KDM2B: variants seen among roughly 807,000 people sequenced by gnomAD.
The protein encoded by KDM2B is lysine demethylase 2B.
KDM2B carries 26 observed loss-of-function variants against 150.0 expected under a neutral mutation model. The ratio of observed to expected loss-of-function variants is 0.17; its 90% confidence interval spans 0.13 to 0.24. KDM2B has a LOEUF of 0.24. Among genes scored for constraint, KDM2B ranks in the 10% least tolerant of loss-of-function variants. The probability of loss-of-function intolerance (pLI) is 1.00; values close to 1 mark genes in which losing one functional copy is unlikely to be tolerated. For missense variants in KDM2B, 1,265 were observed against 1,816.9 expected (o/e 0.70, Z 5.52); for synonymous variants, 734 against 729.5 (o/e 1.01, Z -0.10).
chr12:121,565,685 C>A (rs59962433), intron 4 of KDM2B, among the ~76,000 whole-genome samples: 1 of 151,950 alleles, frequency 6.6e-6, no homozygotes, highest in Non-Finnish European at 1.5e-5. Flanking sequence ...AGTGCAGTGG[C>A]GCAATCTTGG....
intron 12 of KDM2B, chr12:121,493,967 C>G (rs1220157424): frequency 6.6e-6 from 1 of 152,594 alleles, no homozygotes; most frequent in Non-Finnish European, 1.5e-5. Flanking sequence ...TCAAGTGATT[C>G]TCCTGCCTCA....
Position 121,549,781 on chromosome 12 carries a change from C to T in KDM2B, c.398-143G>A, listed in dbSNP as rs1889339862. 1 of 694,542 alleles carries T rather than the reference C, an allele frequency of 1.4e-6. No individual in the cohort carries two copies. The highest frequency in any genetic ancestry group is 3.2e-5 in the Admixed American group (1 of 31,310). The allele number at this position is 694,542 out of a possible 1,614,324, so 43.0% of individuals were successfully genotyped here. ...CTTCCTCATCTGTTCAATTACCTCA[C>T]CCCATCGGCTTTCCTTCTGGGATCT... is the stretch of plus-strand genomic sequence containing the variant. On this transcript the variant is annotated intron_variant, in intron 4 of 22. Coordinates refer to ENST00000377071, the MANE Select transcript of KDM2B (RefSeq NM_032590.5). This position sits in a 1 kb window ranked among gnomAD's most constrained non-coding sequence, Gnocchi z 4.4.
rs1887828978 is a variant in KDM2B, at chr12:121,533,481, A to C, written c.778-522T>G. 6.6e-6 allele frequency among the ~76,000 whole-genome samples: 1 copy of C among 152,014 alleles called. No individual in the cohort carries two copies. Among genetic ancestry groups the C allele is most frequent in the Non-Finnish European group, 1.5e-5 (1 of 67,994 alleles). On this transcript the variant is annotated intron_variant, in intron 7 of 22. Coordinates refer to ENST00000377071, the MANE Select transcript of KDM2B (RefSeq NM_032590.5). The surrounding 1 kb of genome is among the most constrained non-coding windows in gnomAD (Gnocchi z 4.1). ...ACAGGCTTATTTTCAAGAAGCACCC[A>C]CCTCCATCAGGGACACCCACATCCC...
At position 121,520,046 on chromosome 12, in the gene KDM2B, C is replaced by G. The variant is rs775732857; in HGVS notation, c.1047+939G>C. On this transcript the variant is annotated intron_variant, in intron 9 of 22. Transcript: ENST00000377071. This position sits in a 1 kb window ranked among gnomAD's most constrained non-coding sequence, Gnocchi z 4.5. Reference sequence around the variant, plus strand: ...TAGCTGGGACTACAGGCGTACACCACCACGCCCAGCTTTTTTGTATTTTTG... The same window carrying G: ...TAGCTGGGACTACAGGCGTACACCAGCACGCCCAGCTTTTTTGTATTTTTG... 6.6e-6 allele frequency among the ~76,000 whole-genome samples: 1 copy of G among 152,152 alleles called. No individual in the cohort carries two copies. The highest frequency in any genetic ancestry group is 1.5e-5 in the Non-Finnish European group (1 of 68,034).
At position 121,521,373 on chromosome 12, in the gene KDM2B, C is replaced by T. The variant is rs782222178; in HGVS notation, c.932-273G>A. Among the ~76,000 whole-genome samples, 7 of 152,144 alleles carry T rather than the reference C, an allele frequency of 4.6e-5. No individual in the cohort carries two copies. The highest frequency in any genetic ancestry group is 2.1e-4 in the South Asian group (1 of 4,834). On this transcript the variant is annotated intron_variant, in intron 8 of 22. Coordinates refer to ENST00000377071, the MANE Select transcript of KDM2B (RefSeq NM_032590.5). The surrounding 1 kb of genome is among the most constrained non-coding windows in gnomAD (Gnocchi z 4.9). Reference sequence around the variant, plus strand: ...AGATCAGCCCCCACTTCTTGAGGACCGTGATGACAAAAGCTTCCTCTGGGG... The same window carrying T: ...AGATCAGCCCCCACTTCTTGAGGACTGTGATGACAAAAGCTTCCTCTGGGG...
chr12:121,479,863 G>A (rs1356434638), intron 12 of KDM2B, among the ~76,000 whole-genome samples: 1 of 151,992 alleles, frequency 6.6e-6, no homozygotes, highest in Non-Finnish European at 1.5e-5. Flanking sequence ...CTCAAGTGAG[G>A]CACCAGCCTC....
the KDM2B span, among the ~76,000 whole-genome samples, chr12:121,414,875 C>T: frequency 5.3e-5 from 8 of 152,318 alleles, no homozygotes; most frequent in South Asian, 1.7e-3. Context: ...GGGTGGATCA[C>T]CTGAGGTCAG....
chr12:121,551,359 T>C (rs1358454185), intron 4 of KDM2B, among the ~76,000 whole-genome samples: 1 of 151,204 alleles, frequency 6.6e-6, no homozygotes, highest in Non-Finnish European at 1.5e-5. Context: ...TTTTTTTTTT[T>C]TTTTGAGACA....
chr12:121,504,428 G>A (rs1384252451), intron 11 of KDM2B, among the ~76,000 whole-genome samples: 1 of 151,936 alleles, frequency 6.6e-6, no homozygotes, highest in Non-Finnish European at 1.5e-5. Flanking sequence ...CCAGCTACTT[G>A]GGAAGCTGAG....
At chr12:121,538,596 A>T (rs943303891) in intron 6 of KDM2B, among the ~76,000 whole-genome samples, 3 of 151,830 alleles carry the variant, frequency 2.0e-5, no homozygotes, top group African/African-American at 4.8e-5. Context: ...TGGTTGAGAG[A>T]CTCCTTTGAG....
the KDM2B span, among the ~76,000 whole-genome samples, chr12:121,422,473 A>G: frequency 6.6e-6 from 1 of 152,244 alleles, no homozygotes; most frequent in African/African-American, 2.4e-5. Context: ...CATATCTGCC[A>G]TCTCATCCCA....
chr12:121,488,362 G>C (rs1310058841), intron 12 of KDM2B, among the ~76,000 whole-genome samples: 1 of 152,074 alleles, frequency 6.6e-6, no homozygotes, highest in Non-Finnish European at 1.5e-5. Flanking sequence ...CCATAATTAC[G>C]AAAAACTAGA....
Position 121,429,866 on chromosome 12 carries a change from G to T in KDM2B, c.*422C>A. On this transcript the variant is annotated 3_prime_UTR_variant, in exon 23 of 23. Transcript: ENST00000377071. ...CAAAACCAACCAAACAAAAAAAAGT[G>T]TCAAGACGGCAGCAGATGTGGTGTG... 1.7e-6 allele frequency: 1 copy of T among 571,790 alleles called. No individual in the cohort carries two copies. The highest frequency in any genetic ancestry group is 3.2e-5 in the Admixed American group (1 of 31,490). 35.4% of individuals were successfully genotyped at this position (571,790 alleles called of 1,614,324 possible).
At chr12:121,517,468 TTTTC>T (rs1886314065) in intron 9 of KDM2B, among the ~76,000 whole-genome samples, 2 of 143,068 alleles carry the variant, frequency 1.4e-5, no homozygotes, top group South Asian at 2.1e-4. Flanking sequence ...ATTCTTTTTC[TTTTC>T]TTTTTTTTTT....
At chr12:121,434,500 CAAAAAA>C (rs1166374523) in intron 22 of KDM2B, among the ~76,000 whole-genome samples, 1 of 62,284 alleles carries the variant, frequency 1.6e-5, no homozygotes, top group African/African-American at 4.7e-5. Flanking sequence ...GACTCTCTAT[CAAAAAA>C]AAAAAAAAAA....
chr12:121,554,535 C>A (rs1213166792), intron 4 of KDM2B, among the ~76,000 whole-genome samples: 1 of 151,970 alleles, frequency 6.6e-6, no homozygotes, highest in African/African-American at 2.4e-5. Context: ...CTCAGCCCCC[C>A]GAGTAGCTGG....
At chr12:121,516,667 AC>A in intron 9 of KDM2B, 1 of 670,252 alleles carries the variant, frequency 1.5e-6, no homozygotes, top group Non-Finnish European at 2.5e-6. Flanking sequence ...TCATCCGTCT[AC>A]CAGAGGACCT....
At chr12:121,507,536 C>G (rs114914955) in intron 11 of KDM2B, among the ~76,000 whole-genome samples, 1 of 152,182 alleles carries the variant, frequency 6.6e-6, no homozygotes, top group Non-Finnish European at 1.5e-5. Context: ...TTTTTCTAAC[C>G]CCTACCCCAG....
chr12:121,413,663 C>T, the KDM2B span, among the ~76,000 whole-genome samples: 2 of 151,012 alleles, frequency 1.3e-5, no homozygotes, highest in African/African-American at 2.4e-5. Context: ...CTGCAAGCTC[C>T]GCCTCCCGGG....
Sources: gnomAD v4.1 joint callset for allele counts (sites outside exome capture counted in the v4.1 genomes callset) on GRCh38, gnomAD v4.1.1 for gene constraint, Gnocchi (gnomAD v3.1) non-coding constraint, MANE v1.5 for transcripts, NCBI Gene and HGNC (gene_info 2026-07-23, HGNC 2026-07-21) for gene names.